The following MGLL variants were observed in gnomAD, a reference collection of about 807,000 sequenced individuals.
MGLL encodes monoglyceride lipase.
Under a neutral mutation model 29.1 loss-of-function variants are expected in MGLL, and 7 were observed. The ratio of observed to expected loss-of-function variants is 0.24; its 90% CI spans 0.14 to 0.45. The LOEUF is 0.45. Ranked by LOEUF, MGLL falls within the 20% of genes least tolerant of loss-of-function variation. The probability of loss-of-function intolerance (pLI) is 0.99; values close to 1 mark genes in which losing one functional copy is unlikely to be tolerated. For synonymous variants in MGLL, 148 were observed against 168.3 expected (o/e 0.88, Z 0.93); for missense variants, 356 against 413.6 (o/e 0.86, Z 1.21).
At chr3:127,769,251 T>C (rs1480615162) in intron 3 of MGLL, among the ~76,000 whole-genome samples, 1 of 151,846 alleles carries the variant, frequency 6.6e-6, no homozygotes, top group Non-Finnish European at 1.5e-5. Flanking sequence ...CTCAGGAGGC[T>C]GAGGCAGGAG....
rs1316187849 is a variant in MGLL, at chr3:127,691,348, C to T, written c.*850G>A. On this transcript the variant is annotated 3_prime_UTR_variant, in exon 8 of 8. Coordinates refer to ENST00000265052, the MANE Select transcript of MGLL (RefSeq NM_007283.7). The stretch of plus-strand genomic sequence containing the variant: ...TCAAACTCCCCTTGCTCCCTCCCAC[C>T]TATCCACCAAAATAGTCTCTGCTTT... 6.6e-6 allele frequency: 1 copy of T among 152,396 alleles called. No homozygotes were observed. The highest frequency in any genetic ancestry group is 1.5e-5 in the Non-Finnish European group (1 of 68,122). 9.4% of individuals were successfully genotyped at this position (152,396 alleles called of 1,614,324 possible). A position where few individuals can be genotyped will look rare whatever the true frequency, so the allele number is the denominator to read the frequency against.
chr3:127,732,793 A>G (rs1244988772), intron 3 of MGLL, among the ~76,000 whole-genome samples: 1 of 152,202 alleles, frequency 6.6e-6, no homozygotes, highest in Non-Finnish European at 1.5e-5. Flanking sequence ...CCTGGAAGTA[A>G]CCACAACAAA....
intron 2 of MGLL, chr3:127,799,527 G>C (rs893963510): frequency 6.6e-6 from 1 of 152,220 alleles, no homozygotes; most frequent in African/African-American, 2.4e-5. Context: ...CATTTTGCCA[G>C]CTGTATCCTA....
chr3:127,782,309 G>A (rs1415901796), intron 2 of MGLL, among the ~76,000 whole-genome samples: 3 of 152,154 alleles, frequency 2.0e-5, no homozygotes, highest in African/African-American at 7.2e-5. Flanking sequence ...GCAACACCAG[G>A]AGCCACACCA....
At chr3:127,816,664 G>C (rs1430955114) in intron 2 of MGLL, among the ~76,000 whole-genome samples, 2 of 152,208 alleles carry the variant, frequency 1.3e-5, no homozygotes, top group African/African-American at 4.8e-5. Flanking sequence ...GCATAGATGG[G>C]GGAAGTGCCC....
At position 127,716,842 on chromosome 3, in the gene MGLL, C is replaced by T. The variant is rs920184479; in HGVS notation, c.510+4211G>A. ...TCATAGGACGGCCATGTGGGGGACA[C>T]AGCAGGTACCCTCAGGGTTGCCCCA... On this transcript the variant is annotated intron_variant, in intron 5 of 7. Transcript: ENST00000265052. Among the ~76,000 whole-genome samples the T allele has an allele frequency of 3.3e-5, 5 of 152,234 alleles. No homozygotes were observed. The South Asian group carries it at 8.3e-4, about 25-fold the overall frequency.
intron 7 of MGLL, 79 bp downstream of exon 7, chr3:127,694,896 G>C: frequency 6.9e-7 from 1 of 1,450,270 alleles, no homozygotes; most frequent in Non-Finnish European, 9.7e-7. Flanking sequence ...CGAGGGTCTG[G>C]GCAGATGTGC....
chr3:127,701,810 T>A (rs770052757), intron 6 of MGLL, among the ~76,000 whole-genome samples: 3 of 152,178 alleles, frequency 2.0e-5, no homozygotes, highest in Non-Finnish European at 4.4e-5. Flanking sequence ...TATCTCCGTT[T>A]CCACCATCCC....
intron 2 of MGLL, 67 bp from the exon 3 acceptor site, chr3:127,781,962 T>C: frequency 6.8e-7 from 1 of 1,474,670 alleles, no homozygotes; most frequent in Non-Finnish European, 9.4e-7. Context: ...GGCTCATGCC[T>C]ACAATTCCAG....
In MGLL at chr3:127,695,098, C is replaced by T. The variant is rs2075332155; in HGVS notation, c.693G>A (p.Glu231=). The T allele has an allele frequency of 5.6e-6, 9 of 1,614,164 alleles. No homozygotes were observed. The highest frequency in any genetic ancestry group is 7.6e-6 in the Non-Finnish European group (9 of 1,180,036). Residue 231 remains glutamate, a synonymous_variant, in exon 7 of 8, where the codon GAG becomes GAA. Coordinates refer to ENST00000265052, the MANE Select transcript of MGLL (RefSeq NM_007283.7). ...GCACAGTCAGCTTGGGGAGGGCGCG[C>T]TCCACCCGTGAGACGGCATTCAGCA... is the stretch of plus-strand genomic sequence containing the variant. ...IQLLNAVSRV[E]RALPKLTVPF...
At chr3:127,787,107 T>C (rs2077227612) in intron 2 of MGLL, among the ~76,000 whole-genome samples, 1 of 152,210 alleles carries the variant, frequency 6.6e-6, no homozygotes, top group Non-Finnish European at 1.5e-5. Context: ...CCATCCTCTC[T>C]GCCTCACCCG....
In MGLL at chr3:127,761,370, G is replaced by C. The variant is rs1240775829; in HGVS notation, c.262+20419C>G. Among the ~76,000 whole-genome samples, 1 of 152,206 alleles carries C rather than the reference G, an allele frequency of 6.6e-6. No homozygotes were observed. Among genetic ancestry groups the C allele is most frequent in the Non-Finnish European group, 1.5e-5 (1 of 68,040 alleles). ...GTGTTGGGGGTGCTGGCTTAGTTTAGGGTGGGGATGAGAAGCTTTGAGGGA... is the reference window on the plus strand; with the variant it reads ...GTGTTGGGGGTGCTGGCTTAGTTTACGGTGGGGATGAGAAGCTTTGAGGGA... On this transcript the variant is annotated intron_variant, in intron 3 of 7. Transcript: ENST00000265052. This position sits in a 1 kb window ranked among gnomAD's most constrained non-coding sequence, Gnocchi z 4.6.
intron 3 of MGLL, among the ~76,000 whole-genome samples, chr3:127,767,392 G>A (rs1349728500): frequency 1.3e-5 from 2 of 152,178 alleles, no homozygotes; most frequent in Non-Finnish European, 2.9e-5. Flanking sequence ...TTAACCAATT[G>A]TTTATAATTG....
At chr3:127,737,100 G>C (rs2076255195) in intron 3 of MGLL, among the ~76,000 whole-genome samples, 1 of 152,182 alleles carries the variant, frequency 6.6e-6, no homozygotes, top group African/African-American at 2.4e-5. Context: ...GAGGTGGCCA[G>C]TAATTACAAA....
At chr3:127,712,825 A>G (rs1559915787) in intron 5 of MGLL, 1 of 152,292 alleles carries the variant, frequency 6.6e-6, no homozygotes, top group Non-Finnish European at 1.5e-5. Context: ...GGAAAGGAAA[A>G]CTTGGAATTC....
At chr3:127,727,012 AT>A (rs1307649229) in intron 3 of MGLL, among the ~76,000 whole-genome samples, 1 of 152,208 alleles carries the variant, frequency 6.6e-6, no homozygotes, top group African/African-American at 2.4e-5. Flanking sequence ...CAAAACTCTT[AT>A]GCTGTATTTG....
intron 5 of MGLL, among the ~76,000 whole-genome samples, chr3:127,714,728 A>T (rs2075782764): frequency 6.6e-6 from 1 of 152,206 alleles, no homozygotes. Context: ...AAGTTACACC[A>T]CAGAGAGTGT....
At chr3:127,752,580 G>A (rs570531700) in intron 3 of MGLL, among the ~76,000 whole-genome samples, 1 of 152,170 alleles carries the variant, frequency 6.6e-6, no homozygotes, top group East Asian at 1.9e-4. Context: ...ATGGGCATGT[G>A]AGTTGTTCCC....
At chr3:127,814,844 C>A (rs757352881) in intron 2 of MGLL, among the ~76,000 whole-genome samples, 2 of 152,200 alleles carry the variant, frequency 1.3e-5, no homozygotes, top group Non-Finnish European at 2.9e-5. Flanking sequence ...TACGCTATCA[C>A]AAAGGCAGAA....
Sources: gnomAD v4.1 joint callset for allele counts (sites outside exome capture counted in the v4.1 genomes callset) on GRCh38, gnomAD v4.1.1 for gene constraint, Gnocchi (gnomAD v3.1) non-coding constraint, MANE v1.5 for transcripts, NCBI Gene and HGNC (gene_info 2026-07-23, HGNC 2026-07-21) for gene names.